The following UBTD1 variants were observed in gnomAD, a reference collection of about 807,000 sequenced individuals.
UBTD1 encodes ubiquitin domain-containing protein 1.
A neutral mutation model predicts 21.7 loss-of-function variants in UBTD1; 19 were observed. The ratio of observed to expected loss-of-function variants is 0.87; its 90% CI spans 0.61 to 1.28. UBTD1 has a LOEUF of 1.28. UBTD1 is among the 50% of genes most tolerant of loss of function. The probability of loss-of-function intolerance (pLI) is 0.00; values close to 1 mark genes in which losing one functional copy is unlikely to be tolerated. For synonymous variants in UBTD1, 116 were observed against 135.1 expected, an observed-to-expected ratio of 0.86 and a Z score of 0.98; for missense variants, 282 against 315.1, an observed-to-expected ratio of 0.89 and a Z score of 0.80.
At chr10:97,569,717 G>T (rs960687260) in intron 2 of UBTD1, among the ~76,000 whole-genome samples, 5 of 152,206 alleles carry the variant, frequency 3.3e-5, no homozygotes, top group Non-Finnish European at 7.3e-5. Flanking sequence ...CTGGCTTGCA[G>T]GTGTCCGTCT....
At chr10:97,534,579 GCACACACACACACACACA>G (rs58308271) in intron 1 of UBTD1, among the ~76,000 whole-genome samples, 5 of 145,360 alleles carry the variant, frequency 3.4e-5, no homozygotes, top group South Asian at 4.4e-4. Flanking sequence ...ACGCGCGCGC[GCACACACACACACACACA>G]CACACACACA....
At chr10:97,532,458 C>G (rs1051493255) in intron 1 of UBTD1, among the ~76,000 whole-genome samples, 7 of 151,582 alleles carry the variant, frequency 4.6e-5, no homozygotes, top group Non-Finnish European at 7.4e-5. Context: ...CCAGCCTGAC[C>G]AACATGGAGA....
intron 1 of UBTD1, among the ~76,000 whole-genome samples, chr10:97,554,247 GTTT>G (rs71007352): frequency 7.4e-6 from 1 of 134,880 alleles, no homozygotes; most frequent in Non-Finnish European, 1.5e-5. Context: ...GTTTGTTTTC[GTTT>G]TTTTTTTTTT....
chr10:97,525,107 G>A (rs1426183737), intron 1 of UBTD1, among the ~76,000 whole-genome samples: 1 of 152,214 alleles, frequency 6.6e-6, no homozygotes, highest in Non-Finnish European at 1.5e-5. Context: ...CACACTCTTT[G>A]GCAACTTGCA....
At chr10:97,554,557 T>C (rs777102267) in intron 1 of UBTD1, among the ~76,000 whole-genome samples, 1 of 151,928 alleles carries the variant, frequency 6.6e-6, no homozygotes, top group Non-Finnish European at 1.5e-5. Flanking sequence ...ATTTATTTAT[T>C]TATTTATTTA....
At chr10:97,523,781 C>T (rs945829894) in intron 1 of UBTD1, among the ~76,000 whole-genome samples, 2 of 151,684 alleles carry the variant, frequency 1.3e-5, no homozygotes, top group African/African-American at 2.4e-5. Context: ...TGAGGTGGTG[C>T]AGGGTGTAGC....
chr10:97,569,169 G>A (rs555305591), intron 2 of UBTD1, among the ~76,000 whole-genome samples: 1 of 152,334 alleles, frequency 6.6e-6, no homozygotes, highest in East Asian at 1.9e-4. Context: ...TAACTGTCTT[G>A]GCTTTAGCAA....
At chr10:97,547,903 A>G (rs77279106) in intron 1 of UBTD1, among the ~76,000 whole-genome samples, 2 of 145,642 alleles carry the variant, frequency 1.4e-5, no homozygotes, top group Non-Finnish European at 1.5e-5. Flanking sequence ...AACTTTATGA[A>G]AAAAAAAAAA....
chr10:97,562,386 T>A (rs2040696925), intron 1 of UBTD1, among the ~76,000 whole-genome samples: 1 of 152,148 alleles, frequency 6.6e-6, no homozygotes, highest in South Asian at 2.1e-4. Flanking sequence ...GCGGCCTGGG[T>A]CTGAAAAGAG....
At chr10:97,519,945 A>G (rs2040460171) in intron 1 of UBTD1, among the ~76,000 whole-genome samples, 1 of 151,648 alleles carries the variant, frequency 6.6e-6, no homozygotes, top group African/African-American at 2.4e-5. Context: ...AAAAAGACCC[A>G]AGGGCTTGGG....
intron 1 of UBTD1, among the ~76,000 whole-genome samples, chr10:97,535,651 A>C (rs1456224093): frequency 6.6e-6 from 1 of 152,146 alleles, no homozygotes; most frequent in Non-Finnish European, 1.5e-5. Context: ...AATTACTTGC[A>C]GCTGTAGTGG....
intron 1 of UBTD1, among the ~76,000 whole-genome samples, chr10:97,547,127 C>T (rs975335582): frequency 6.6e-6 from 1 of 152,192 alleles, no homozygotes; most frequent in South Asian, 2.1e-4. Flanking sequence ...GCAGTTGACA[C>T]CCAGTGGGAC....
intron 1 of UBTD1, among the ~76,000 whole-genome samples, chr10:97,549,092 G>A (rs1220481315): frequency 6.6e-6 from 1 of 152,206 alleles, no homozygotes. Context: ...CCCCTTGTCC[G>A]TATCTGTGGC....
intron 1 of UBTD1, among the ~76,000 whole-genome samples, chr10:97,504,437 C>G (rs1014149918): frequency 1.3e-5 from 2 of 152,192 alleles, no homozygotes; most frequent in African/African-American, 4.8e-5. Flanking sequence ...CCTTGTTCAA[C>G]CCCCCGATAT....
chr10:97,549,095 T>A (rs964133705), intron 1 of UBTD1, among the ~76,000 whole-genome samples: 5 of 152,238 alleles, frequency 3.3e-5, no homozygotes, highest in Non-Finnish European at 7.3e-5. Context: ...CTTGTCCGTA[T>A]CTGTGGCTGC....
At position 97,539,903 on chromosome 10, in the gene UBTD1, A is replaced by C. The variant is rs1355889934; in HGVS notation, c.71-28011A>C. Among the ~76,000 whole-genome samples the C allele has an allele frequency of 4.0e-5, 6 of 150,070 alleles. No individual in the cohort carries two copies. In the East Asian group the frequency reaches 8.0e-4, roughly 20 times the overall value. ...TCCTTCCAGATCCACCTCCTTAAGC[A>C]TTGCCAAATCAAATAGCTGGGATGC... On this transcript the variant is annotated intron_variant, in intron 1 of 2. Coordinates refer to ENST00000370664, the MANE Select transcript of UBTD1 (RefSeq NM_024954.5).
In UBTD1 at chr10:97,516,509, C is replaced by T. The variant is rs182827329; in HGVS notation, c.70+17236C>T. Among the ~76,000 whole-genome samples, 283 of 152,342 alleles carry T rather than the reference C, an allele frequency of 1.9e-3. 1 individual carries two copies. The highest frequency in any genetic ancestry group is 6.3e-3 in the African/African-American group (264 of 41,588). ...CCATCTCCTCGGCCGGGCACGGTGG[C>T]TCATGCCTGTAATCCCAGCACTTTG... is the stretch of plus-strand genomic sequence containing the variant. On this transcript the variant is annotated intron_variant, in intron 1 of 2. Coordinates refer to ENST00000370664, the MANE Select transcript of UBTD1 (RefSeq NM_024954.5).
intron 1 of UBTD1, among the ~76,000 whole-genome samples, chr10:97,501,534 A>G (rs528904238): frequency 2.2e-4 from 34 of 152,210 alleles, no homozygotes; most frequent in Non-Finnish European, 4.1e-4. Flanking sequence ...CAGAGGTTGT[A>G]GTGAGCTGAG....
In UBTD1 at chr10:97,522,049, C is replaced by T. The variant is rs1011605927; in HGVS notation, c.70+22776C>T. ...CATCAAGTTTCTATAGATGGGAGCC[C>T]TTCCGTAAACCTCAGAAGGTGGCAA... On this transcript the variant is annotated intron_variant, in intron 1 of 2. Coordinates refer to ENST00000370664, the MANE Select transcript of UBTD1 (RefSeq NM_024954.5). Among the ~76,000 whole-genome samples the T allele has an allele frequency of 2.0e-5, 3 of 152,310 alleles. No homozygotes were observed. In the South Asian group the frequency reaches 6.2e-4, roughly 32 times the overall value.
Sources: allele counts gnomAD v4.1 joint callset (sites outside exome capture counted in the v4.1 genomes callset), GRCh38; gene constraint gnomAD v4.1.1; transcripts MANE v1.5; gene names NCBI Gene and HGNC (gene_info 2026-07-23, HGNC 2026-07-21).